The following LDAH variants were observed in gnomAD, a reference collection of about 807,000 sequenced individuals.
LDAH encodes the protein lipid droplet associated hydrolase, also known as lipid droplet-associated hydrolase.
A neutral mutation model predicts 29.6 loss-of-function variants in LDAH; 26 were observed. The ratio of observed to expected loss-of-function variants is 0.88; its 90% CI spans 0.64 to 1.22. LDAH has a LOEUF of 1.22. LDAH is among the 50% of genes most tolerant of loss of function. LDAH has a pLI of 0.00. For synonymous variants in LDAH, 117 were observed against 133.0 expected (o/e 0.88, Z 0.83); for missense variants, 344 against 387.3 (o/e 0.89, Z 0.94).
intron 1 of LDAH, among the ~76,000 whole-genome samples, chr2:20,806,217 C>T (rs1251445352): frequency 6.6e-6 from 1 of 152,156 alleles, no homozygotes; most frequent in African/African-American, 2.4e-5. Context: ...AATATCCAGT[C>T]ATAACTTACA....
chr2:20,692,246 G>T (rs340600), intron 6 of LDAH, among the ~76,000 whole-genome samples: 41,174 of 152,018 alleles, frequency 0.27, 6,975 homozygotes, highest in African/African-American at 0.49. Context: ...GCAGACAGAG[G>T]TATGGACAAA....
At chr2:20,803,871 G>A (rs372418705) in intron 1 of LDAH, among the ~76,000 whole-genome samples, 9 of 152,124 alleles carry the variant, frequency 5.9e-5, no homozygotes, top group African/African-American at 2.2e-4. Context: ...AATTCTTTAA[G>A]TTAAACTAAC....
chr2:20,742,210 ACCATAATGTGGTCTATCTTGGTGAATGTT>A (rs1667228889), intron 4 of LDAH, among the ~76,000 whole-genome samples: 3 of 152,184 alleles, frequency 2.0e-5, no homozygotes. Context: ...TGCTTTATGG[ACCATAATGTGGTCTATCTTGGTGAATGTT>A]CCACGTGATC....
intron 5 of LDAH, among the ~76,000 whole-genome samples, chr2:20,722,675 A>G (rs1210758617): frequency 6.6e-6 from 1 of 152,338 alleles, no homozygotes; most frequent in East Asian, 1.9e-4. Flanking sequence ...CACAGTGTAT[A>G]CAGGTATTCG....
chr2:20,822,375 C>T (rs1310505788), intron 1 of LDAH, among the ~76,000 whole-genome samples: 2 of 152,102 alleles, frequency 1.3e-5, no homozygotes, highest in African/African-American at 4.8e-5. Context: ...GATCTCCTGA[C>T]CTCCTGATCC....
intron 4 of LDAH, among the ~76,000 whole-genome samples, chr2:20,749,169 T>G (rs183397712): frequency 6.6e-6 from 1 of 152,224 alleles, no homozygotes; most frequent in Admixed American, 6.5e-5. Context: ...GTGGGAGAGA[T>G]ATTTAGAGAG....
intron 3 of LDAH, among the ~76,000 whole-genome samples, chr2:20,785,452 T>C (rs573512174): frequency 1.3e-5 from 2 of 152,350 alleles, no homozygotes; most frequent in African/African-American, 4.8e-5. Context: ...AAGGCACTTT[T>C]TCCTCTGCCT....
intron 5 of LDAH, among the ~76,000 whole-genome samples, chr2:20,702,388 T>C (rs1172217924): frequency 1.3e-5 from 2 of 152,224 alleles, no homozygotes; most frequent in African/African-American, 4.8e-5. Context: ...GTCATTTTGT[T>C]TCAAGTATGT....
Position 20,685,635 on chromosome 2 carries a change from G to C in LDAH, c.*1268C>G. 1 of 1,550,348 alleles carries C rather than the reference G, an allele frequency of 6.5e-7. No homozygotes were observed. The highest frequency in any genetic ancestry group is 8.7e-7 in the Non-Finnish European group (1 of 1,146,930). On this transcript the variant is annotated 3_prime_UTR_variant, in exon 7 of 7. Coordinates refer to ENST00000237822, the MANE Select transcript of LDAH (RefSeq NM_021925.4). ...GGACATCTCATTGTCCTTAGGGAAT[G>C]ATAATGCCATGAGGGATTTCCTCTA...
At chr2:20,742,352 C>A (rs1667239989) in intron 4 of LDAH, among the ~76,000 whole-genome samples, 2 of 152,116 alleles carry the variant, frequency 1.3e-5, no homozygotes, top group Non-Finnish European at 2.9e-5. Context: ...AGGTCTTTAC[C>A]CATTTACTGC....
intron 4 of LDAH, among the ~76,000 whole-genome samples, chr2:20,769,686 T>A (rs1669273488): frequency 6.6e-6 from 1 of 152,224 alleles, no homozygotes; most frequent in Admixed American, 6.5e-5. Context: ...TAGTTGTATG[T>A]TGAGTCTCTA....
chr2:20,710,606 G>GTGTGTGTATATATATATATATATATATA (rs1467950593), intron 5 of LDAH, among the ~76,000 whole-genome samples: 3 of 131,874 alleles, frequency 2.3e-5, no homozygotes, highest in African/African-American at 8.3e-5. Flanking sequence ...GTGTGTGTGT[G>GTGTGTGTATATATATATATATATATATA]TATATATATA....
At chr2:20,749,522 T>C (rs1293976518) in intron 4 of LDAH, among the ~76,000 whole-genome samples, 3 of 152,132 alleles carry the variant, frequency 2.0e-5, no homozygotes, top group Non-Finnish European at 4.4e-5. Flanking sequence ...CAAAGGCCCA[T>C]AGCCAGAGGC....
Position 20,765,329 on chromosome 2 carries a change from C to T in LDAH, c.468+9481G>A, listed in dbSNP as rs78339284. On this transcript the variant is annotated intron_variant, in intron 4 of 6. Transcript: ENST00000237822. ...ATTATGTGTTCTTCTCCTTCACTGG[C>T]CAGTGGAATCACTATCCATTTATCA... is the stretch of plus-strand genomic sequence containing the variant. 6.3e-4 allele frequency among the ~76,000 whole-genome samples: 96 copies of T among 152,260 alleles called. 1 individual carries two copies. The East Asian group carries it at 0.016, about 25-fold the overall frequency.
At chr2:20,792,770 C>G (rs1363876408) in intron 2 of LDAH, among the ~76,000 whole-genome samples, 1 of 152,058 alleles carries the variant, frequency 6.6e-6, no homozygotes, top group Non-Finnish European at 1.5e-5. Context: ...ATATGAAAAA[C>G]AGTGAGTACT....
intron 1 of LDAH, among the ~76,000 whole-genome samples, chr2:20,808,189 T>C (rs1672208161): frequency 6.6e-6 from 1 of 152,136 alleles, no homozygotes; most frequent in South Asian, 2.1e-4. Context: ...CTGAGAGAAA[T>C]TAAATAACGA....
At chr2:20,778,764 G>C (rs1387381101) in intron 3 of LDAH, among the ~76,000 whole-genome samples, 1 of 152,004 alleles carries the variant, frequency 6.6e-6, no homozygotes, top group Non-Finnish European at 1.5e-5. Context: ...ACGGCCCTTT[G>C]ATTCATAAAA....
chr2:20,796,916 G>T (rs192259800), intron 2 of LDAH, among the ~76,000 whole-genome samples: 1 of 152,072 alleles, frequency 6.6e-6, no homozygotes, highest in Non-Finnish European at 1.5e-5. Flanking sequence ...CCTCTGATAC[G>T]CCTTTATACT....
intron 6 of LDAH, among the ~76,000 whole-genome samples, chr2:20,689,311 C>T (rs2149326594): frequency 6.6e-6 from 1 of 152,300 alleles, no homozygotes; most frequent in Admixed American, 6.5e-5. Flanking sequence ...TCCTACTTTT[C>T]CTCACTCCAA....
Sources: gnomAD v4.1 joint callset for allele counts (sites outside exome capture counted in the v4.1 genomes callset) on GRCh38, gnomAD v4.1.1 for gene constraint, MANE v1.5 for transcripts, NCBI Gene and HGNC (gene_info 2026-07-23, HGNC 2026-07-21) for gene names.